Variants in ROR1 observed in about 807,000 individuals in gnomAD.
ROR1 encodes the protein inactive tyrosine-protein kinase transmembrane receptor ROR1.
Under a neutral mutation model 78.8 loss-of-function variants are expected in ROR1, and 19 were observed. The observed-to-expected ratio is 0.24, with a 90% CI of 0.17 to 0.35. The LOEUF (loss-of-function observed/expected upper bound fraction) is 0.35. Ranked by LOEUF, ROR1 falls within the 10% of genes least tolerant of loss-of-function variation. ROR1 has a pLI of 1.00. For synonymous variants in ROR1, 386 were observed against 433.6 expected (o/e 0.89, Z 1.36); for missense variants, 917 against 1,177.8 (o/e 0.78, Z 3.24).
At chr1:64,078,554 G>T (rs1410060772) in intron 4 of ROR1, among the ~76,000 whole-genome samples, 1 of 152,138 alleles carries the variant, frequency 6.6e-6, no homozygotes. Context: ...CTTTTGAGAT[G>T]CAGAGCCTAT....
chr1:64,049,079 G>A (rs191390624), intron 2 of ROR1, among the ~76,000 whole-genome samples: 26 of 152,280 alleles, frequency 1.7e-4, no homozygotes, highest in Admixed American at 9.2e-4. Flanking sequence ...ATTACATATT[G>A]TAACATGTTA....
chr1:64,100,170 T>C (rs1007417380), intron 4 of ROR1, among the ~76,000 whole-genome samples: 1 of 152,006 alleles, frequency 6.6e-6, no homozygotes, highest in Non-Finnish European at 1.5e-5. Flanking sequence ...GTTGACTTTA[T>C]TGATTTGGTA....
At chr1:63,866,949 T>G (rs904446612) in intron 1 of ROR1, among the ~76,000 whole-genome samples, 1 of 152,212 alleles carries the variant, frequency 6.6e-6, no homozygotes, top group Non-Finnish European at 1.5e-5. Flanking sequence ...TAATTGAGGA[T>G]GAAATCAGAT....
intron 1 of ROR1, among the ~76,000 whole-genome samples, chr1:63,874,739 G>C (rs1645273416): frequency 6.6e-6 from 1 of 152,108 alleles, no homozygotes; most frequent in Non-Finnish European, 1.5e-5. Flanking sequence ...TGACATTTTT[G>C]GAGGATGATA....
chr1:63,931,513 T>G (rs923197151), intron 1 of ROR1, among the ~76,000 whole-genome samples: 2 of 152,150 alleles, frequency 1.3e-5, no homozygotes. Flanking sequence ...CAGTCAACTG[T>G]GGTCCAAAAA....
Position 63,856,971 on chromosome 1 carries a change from A to G in ROR1, c.91+82463A>G, listed in dbSNP as rs1276210987. Among the ~76,000 whole-genome samples, 3 of 151,098 alleles carry G rather than the reference A, an allele frequency of 2.0e-5. No individual in the cohort carries two copies. In the South Asian group the frequency reaches 6.3e-4, roughly 32 times the overall value. On this transcript the variant is annotated intron_variant, in intron 1 of 8. Transcript: ENST00000371079. ...CTGCGTTGTTCTTGCATTTTTTTTT[A>G]CCCTCTCTTTTCTCGTTAGATTTTG...
intron 1 of ROR1, among the ~76,000 whole-genome samples, chr1:63,882,940 AAATATTTT>A (rs1327549210): frequency 0.011 from 1,623 of 152,308 alleles, 29 homozygotes; most frequent in African/African-American, 0.037. Flanking sequence ...GACTGTCTTC[AAATATTTT>A]GAAGATAATC....
intron 4 of ROR1, among the ~76,000 whole-genome samples, chr1:64,077,655 C>G (rs562240706): frequency 6.6e-6 from 1 of 152,252 alleles, no homozygotes; most frequent in Non-Finnish European, 1.5e-5. Flanking sequence ...GCCAAGGGTT[C>G]ACTCAAGACC....
intron 2 of ROR1, among the ~76,000 whole-genome samples, chr1:64,040,986 A>G (rs1015011685): frequency 1.3e-5 from 2 of 152,188 alleles, no homozygotes; most frequent in African/African-American, 4.8e-5. Flanking sequence ...TTGGTGTGGG[A>G]AGGAGGTTTT....
At chr1:64,033,180 A>G (rs1347268293) in intron 2 of ROR1, among the ~76,000 whole-genome samples, 1 of 152,238 alleles carries the variant, frequency 6.6e-6, no homozygotes, top group African/African-American at 2.4e-5. Context: ...ATAATCTGGA[A>G]TCTCCATACC....
At chr1:64,071,345 T>A (rs1190089762) in intron 4 of ROR1, among the ~76,000 whole-genome samples, 2 of 152,138 alleles carry the variant, frequency 1.3e-5, no homozygotes, top group Non-Finnish European at 2.9e-5. Context: ...GTTTTTGCAC[T>A]AGTCTAGATG....
chr1:63,928,824 A>G (rs955845155), intron 1 of ROR1, among the ~76,000 whole-genome samples: 6 of 152,128 alleles, frequency 3.9e-5, no homozygotes, highest in African/African-American at 1.2e-4. Context: ...CTTAGTGCTC[A>G]GTGAGTCCTT....
chr1:64,151,078 A>G lies in ROR1; in HGVS notation c.1175-7903A>G, dbSNP rs116827388. Among the ~76,000 whole-genome samples, 793 of 152,342 alleles carry G rather than the reference A, an allele frequency of 5.2e-3. 4 individuals are homozygous for G. Among genetic ancestry groups the G allele is most frequent in the African/African-American group, 0.018 (769 of 41,582 alleles). ...TGGTTAAGCTTCTGGCAGGAAACAC[A>G]TGGCACAAGCCGATAGACTAAGGGA... On this transcript the variant is annotated intron_variant, in intron 7 of 8. Transcript: ENST00000371079.
At chr1:63,954,696 T>C (rs1443086917) in intron 1 of ROR1, among the ~76,000 whole-genome samples, 1 of 152,210 alleles carries the variant, frequency 6.6e-6, no homozygotes, top group East Asian at 1.9e-4. Flanking sequence ...GTATAACAGC[T>C]ATTTACATGA....
intron 8 of ROR1, among the ~76,000 whole-genome samples, chr1:64,164,033 A>C (rs942288081): frequency 3.4e-5 from 4 of 116,784 alleles, no homozygotes; most frequent in Non-Finnish European, 8.4e-5. Context: ...CACCATCCTG[A>C]AATATATTTT....
chr1:63,787,105 G>A (rs1022093033), intron 1 of ROR1, among the ~76,000 whole-genome samples: 45 of 152,146 alleles, frequency 3.0e-4, no homozygotes, highest in African/African-American at 8.2e-4. Context: ...CCCTCACACC[G>A]GCCTACCTCC....
intron 2 of ROR1, among the ~76,000 whole-genome samples, chr1:64,029,964 TC>T (rs1216141020): frequency 1.3e-5 from 2 of 152,208 alleles, no homozygotes; most frequent in Non-Finnish European, 2.9e-5. Context: ...AAATGTCATT[TC>T]CCATGAAGCC....
chr1:63,821,987 A>T (rs549339294), intron 1 of ROR1, among the ~76,000 whole-genome samples: 3 of 152,204 alleles, frequency 2.0e-5, no homozygotes, highest in African/African-American at 4.8e-5. Flanking sequence ...ATGAAAAGCC[A>T]TATTTGGTGC....
chr1:64,098,700 A>C (rs759560982), intron 4 of ROR1, among the ~76,000 whole-genome samples: 22 of 152,076 alleles, frequency 1.4e-4, no homozygotes, highest in Non-Finnish European at 2.9e-4. Context: ...GCCAGAGGGG[A>C]TTACTGTTCC....
Sources: gnomAD v4.1 joint callset for allele counts (sites outside exome capture counted in the v4.1 genomes callset) on GRCh38, gnomAD v4.1.1 for gene constraint, MANE v1.5 for transcripts, NCBI Gene and HGNC (gene_info 2026-07-23, HGNC 2026-07-21) for gene names.